The following HLA-DRA variants were observed in gnomAD, a reference collection of about 807,000 sequenced individuals.
The protein encoded by HLA-DRA is HLA class II histocompatibility antigen, DR alpha chain.
HLA-DRA carries 8 observed loss-of-function variants against 22.1 expected under a neutral mutation model. The ratio of observed to expected loss-of-function variants is 0.36; its 90% CI spans 0.21 to 0.65. The LOEUF (loss-of-function observed/expected upper bound fraction) is 0.65, where lower values mean the gene tolerates loss of function less well. Among genes scored for constraint, HLA-DRA ranks in the 30% least tolerant of loss-of-function variants. The pLI is 0.63. For synonymous variants in HLA-DRA, 101 were observed against 117.1 expected (o/e 0.86, Z 0.89); for missense variants, 248 against 321.3 (o/e 0.77, Z 1.74).
At chr6:32,441,290 G>A (rs531596374) in intron 1 of HLA-DRA, among the ~76,000 whole-genome samples, 3 of 152,282 alleles carry the variant, frequency 2.0e-5, no homozygotes, top group Admixed American at 6.5e-5. Flanking sequence ...CTCGGGAGGC[G>A]GAGGTTGCAG....
At chr6:32,440,414 T>C (rs1762544358) in intron 1 of HLA-DRA, among the ~76,000 whole-genome samples, 1 of 92,822 alleles carries the variant, frequency 1.1e-5, no homozygotes, top group Non-Finnish European at 2.0e-5. Flanking sequence ...CACACATAGT[T>C]TTGCTAGAAT....
chr6:32,441,045 A>G (rs1762582936), intron 1 of HLA-DRA, among the ~76,000 whole-genome samples: 1 of 152,340 alleles, frequency 6.6e-6, no homozygotes, highest in East Asian at 1.9e-4. Flanking sequence ...AGGTTTATCA[A>G]TACACAGTCA....
chr6:32,442,692 T>C lies in HLA-DRA; in HGVS notation c.327T>C (p.Asn109=). 2.5e-6 allele frequency: 4 copies of C among 1,612,978 alleles called. No homozygotes were observed. Among genetic ancestry groups the C allele is most frequent in the South Asian group, 1.1e-5 (1 of 91,074 alleles). ...GCTCCAACTATACTCCGATCACCAA[T>C]GGTACCTCCCTCTCTGCTGCACTCC... is the stretch of plus-strand genomic sequence containing the variant. ...TKRSNYTPIT[N]VPPEVTVLTN... is the part of the protein sequence containing the mutation. Residue 109 remains asparagine, a splice_region_variant and synonymous_variant, in exon 2 of 5, where the codon AAT becomes AAC. Transcript: ENST00000395388.
chr6:32,444,403 G>A (rs1480444049), intron 4 of HLA-DRA, among the ~76,000 whole-genome samples: 1 of 152,150 alleles, frequency 6.6e-6, no homozygotes, highest in Non-Finnish European at 1.5e-5. Flanking sequence ...ATCTCTTAGA[G>A]GCCAATGCCT....
intron 1 of HLA-DRA, among the ~76,000 whole-genome samples, chr6:32,440,412 G>A (rs942809218): frequency 9.1e-6 from 1 of 110,194 alleles, no homozygotes; most frequent in Admixed American, 1.0e-4. Context: ...ACCACACATA[G>A]TTTTGCTAGA....
intron 2 of HLA-DRA, 133 bp from the exon 3 acceptor site, chr6:32,443,052 G>T: frequency 1.3e-6 from 1 of 789,682 alleles, no homozygotes. Flanking sequence ...AGATTTCTCA[G>T]GGCACAATTT....
In HLA-DRA at chr6:32,443,278, T is replaced by A; in HGVS notation, c.422T>A (p.Val141Glu). 6.2e-7 allele frequency: 1 copy of A among 1,612,928 alleles called. No individual in the cohort carries two copies. Among genetic ancestry groups the A allele is most frequent in the Non-Finnish European group, 8.5e-7 (1 of 1,179,942 alleles). Residue 141 changes from valine to glutamate, a missense_variant, in exon 3 of 5, where the codon GTG becomes GAG. Val to Glu is a moderately radical substitution (Grantham distance 121, BLOSUM62 -2). Transcript: ENST00000395388. ...ICFIDKFTPP[V>E]VNVTWLRNGK... ...TTCATAGACAAGTTCACCCCACCAG[T>A]GGTCAATGTCACGTGGCTTCGAAAT... is the stretch of plus-strand genomic sequence containing the variant.
intron 1 of HLA-DRA, 138 bp from the exon 2 acceptor site, chr6:32,442,310 T>C (rs16822618): frequency 0.077 from 78,360 of 1,019,554 alleles, 3,962 homozygotes; most frequent in African/African-American, 0.18. Flanking sequence ...TTGTCACTCA[T>C]CCCTACTCGC....
intron 1 of HLA-DRA, among the ~76,000 whole-genome samples, chr6:32,441,697 T>G (rs1243107672): frequency 6.6e-6 from 1 of 152,166 alleles, no homozygotes. Flanking sequence ...CAGTCTTAAT[T>G]TTTGGAGTAC....
intron 4 of HLA-DRA, 103 bp downstream of exon 4, chr6:32,444,024 C>A: frequency 1.3e-6 from 1 of 794,828 alleles, no homozygotes; most frequent in African/African-American, 1.8e-5. Flanking sequence ...AAGGTAGGAA[C>A]AGATGTGGCT....
chr6:32,440,409 A>C (rs1413031091), intron 1 of HLA-DRA, among the ~76,000 whole-genome samples: 3 of 125,184 alleles, frequency 2.4e-5, no homozygotes. Context: ...AAAACCACAC[A>C]TAGTTTTGCT....
At chr6:32,442,382 AG>A (rs70993830) in intron 1 of HLA-DRA, 65 bp from the exon 2 acceptor site, 173,270 of 1,579,666 alleles carry the variant, frequency 0.11, 10,379 homozygotes, top group Non-Finnish European at 0.12. Context: ...ACATGTATGT[AG>A]GTTATTCATT....
chr6:32,440,496 G>T (rs1254672055), intron 1 of HLA-DRA, among the ~76,000 whole-genome samples: 1 of 152,052 alleles, frequency 6.6e-6, no homozygotes, highest in Non-Finnish European at 1.5e-5. Flanking sequence ...TTTTTGGAGT[G>T]TAAATCCTGT....
rs1276385149 is a variant in HLA-DRA at position 32,443,394 on chromosome 6, C to T, written c.538C>T (p.Pro180Ser). The T allele has an allele frequency of 1.2e-6, 2 of 1,612,766 alleles. No homozygotes were observed. Among genetic ancestry groups the T allele is most frequent in the Non-Finnish European group, 1.7e-6 (2 of 1,179,744 alleles). The change falls in exon 3 of 5, where the codon CCC (proline) becomes TCC (serine). Residue 180 changes from proline to serine, a missense_variant. By Grantham distance (74) the Pro-to-Ser change is moderately conservative. Coordinates refer to ENST00000395388, the MANE Select transcript of HLA-DRA (RefSeq NM_019111.5). The part of the protein sequence containing the change: ...FRKFHYLPFL[P>S]STEDVYDCRV... Reference sequence around the variant, plus strand: ...CAAGTTCCACTATCTCCCCTTCCTGCCCTCAACTGAGGACGTTTACGACTG... The same window carrying T: ...CAAGTTCCACTATCTCCCCTTCCTGTCCTCAACTGAGGACGTTTACGACTG...
intron 3 of HLA-DRA, 21 bp downstream of exon 3, chr6:32,443,487 T>C: frequency 6.2e-7 from 1 of 1,600,826 alleles, no homozygotes; most frequent in East Asian, 2.2e-5. Flanking sequence ...ACACTCAATC[T>C]CCTTTATTTC....
At chr6:32,442,724 T>C (rs1762695783) in intron 2 of HLA-DRA, 31 bp downstream of exon 2, 25 of 1,608,762 alleles carry the variant, frequency 1.6e-5, no homozygotes, top group Non-Finnish European at 2.0e-5. Context: ...CTCCTGGACA[T>C]GGGAATCCAT....
At chr6:32,441,723 T>C (rs980435089) in intron 1 of HLA-DRA, among the ~76,000 whole-genome samples, 2 of 152,196 alleles carry the variant, frequency 1.3e-5, no homozygotes, top group Admixed American at 6.5e-5. Flanking sequence ...TCCCCAGGTA[T>C]ATTTTCCATA....
At chr6:32,441,113 C>T (rs779857826) in intron 1 of HLA-DRA, among the ~76,000 whole-genome samples, 16 of 152,192 alleles carry the variant, frequency 1.1e-4, no homozygotes, top group Non-Finnish European at 2.1e-4. Context: ...AATCCCAGCA[C>T]TTTGGGAGGC....
chr6:32,443,168 T>C lies in HLA-DRA; in HGVS notation c.329-17T>C. On this transcript the variant is annotated splice_polypyrimidine_tract_variant and intron_variant, in intron 2 of 4. Coordinates refer to ENST00000395388, the MANE Select transcript of HLA-DRA (RefSeq NM_019111.5). ...AGTGATGGCTGATTTCTGTCATGTC[T>C]GTCATGTGTCCCCCAGTACCTCCAG... The C allele has an allele frequency of 1.2e-6, 2 of 1,607,530 alleles. No homozygotes were observed. Among genetic ancestry groups the C allele is most frequent in the South Asian group, 1.1e-5 (1 of 90,966 alleles).
Sources: gnomAD v4.1 joint callset for allele counts (sites outside exome capture counted in the v4.1 genomes callset) on GRCh38, gnomAD v4.1.1 for gene constraint, MANE v1.5 for transcripts, NCBI Gene and HGNC (gene_info 2026-07-23, HGNC 2026-07-21) for gene names.